The following PDE6C variants were observed in gnomAD, a reference collection of about 807,000 sequenced individuals.
PDE6C encodes cone cGMP-specific 3',5'-cyclic phosphodiesterase subunit alpha'.
PDE6C carries 75 observed loss-of-function variants against 113.1 expected under a neutral mutation model. The observed-to-expected ratio is 0.66, with a 90% CI of 0.55 to 0.80. PDE6C has a LOEUF of 0.80. Among genes scored for constraint, PDE6C ranks in the 30% least tolerant of loss-of-function variants. The probability of loss-of-function intolerance (pLI) is 0.00; values close to 1 mark genes in which losing one functional copy is unlikely to be tolerated. For synonymous variants in PDE6C, 375 were observed against 363.7 expected (o/e 1.03, Z -0.35); for missense variants, 912 against 1,038.6 (o/e 0.88, Z 1.67).
chr10:93,625,883 G>C (rs1342814435), intron 5 of PDE6C, among the ~76,000 whole-genome samples: 1 of 152,172 alleles, frequency 6.6e-6, no homozygotes, highest in Non-Finnish European at 1.5e-5. Flanking sequence ...GGGCTTGGTA[G>C]ACCAGTGGTT....
At chr10:93,621,844 A>G in intron 3 of PDE6C, 88 bp from the exon 4 acceptor site, 2 of 1,197,196 alleles carry the variant, frequency 1.7e-6, no homozygotes, top group Non-Finnish European at 2.5e-6. Context: ...ATTTTATTTG[A>G]TGCACCTCAT....
chr10:93,621,222 C>A (rs906233558), intron 3 of PDE6C, among the ~76,000 whole-genome samples: 6 of 152,120 alleles, frequency 3.9e-5, no homozygotes, highest in East Asian at 1.9e-4. Context: ...GTCTAGATCC[C>A]GAGTGGACTT....
At chr10:93,617,123 C>G (rs766635941) in intron 1 of PDE6C, among the ~76,000 whole-genome samples, 1 of 152,174 alleles carries the variant, frequency 6.6e-6, no homozygotes, top group Non-Finnish European at 1.5e-5. Flanking sequence ...TTTAGCAATA[C>G]TGACATCTGA....
At position 93,625,598 on chromosome 10, in the gene PDE6C, C is replaced by T; in HGVS notation, c.888C>T (p.Ile296=). ...KEKEFYDEWP[I]KLGEVEPYKG... is the part of the protein sequence containing the mutation. ...AGGAATTCTACGATGAATGGCCAAT[C>T]AAGCTTGGAGAAGTAGAGCCTTATA... Residue 296 remains isoleucine (I), a synonymous_variant, in exon 5 of 22, where the codon ATC becomes ATT. Transcript: ENST00000371447. The T allele has an allele frequency of 6.2e-7, 1 of 1,613,590 alleles. No individual in the cohort carries two copies. Among genetic ancestry groups the T allele is most frequent in the East Asian group, 2.2e-5 (1 of 44,874 alleles).
At chr10:93,646,363 G>A (rs1025726768) in intron 15 of PDE6C, among the ~76,000 whole-genome samples, 4 of 152,120 alleles carry the variant, frequency 2.6e-5, no homozygotes, top group South Asian at 4.1e-4. Context: ...AGGAAAGGAG[G>A]CTACATGGTC....
intron 16 of PDE6C, among the ~76,000 whole-genome samples, chr10:93,657,928 T>C (rs2058646411): frequency 6.6e-6 from 1 of 151,808 alleles, no homozygotes; most frequent in African/African-American, 2.4e-5. Context: ...CTCAGCACTT[T>C]GGGAGGCCAA....
At chr10:93,648,172 A>AT (rs888362064) in intron 15 of PDE6C, among the ~76,000 whole-genome samples, 1 of 152,070 alleles carries the variant, frequency 6.6e-6, no homozygotes, top group African/African-American at 2.4e-5. Context: ...TTCCATCTGA[A>AT]TTTTTTTTAA....
intron 10 of PDE6C, among the ~76,000 whole-genome samples, chr10:93,636,318 A>C (rs1024448510): frequency 3.3e-5 from 5 of 151,422 alleles, no homozygotes; most frequent in Admixed American, 6.6e-5. Context: ...CACAAAATGA[A>C]GGGAAAATAT....
intron 11 of PDE6C, among the ~76,000 whole-genome samples, chr10:93,637,683 T>A (rs1160310718): frequency 6.6e-6 from 1 of 152,228 alleles, no homozygotes; most frequent in East Asian, 1.9e-4. Context: ...TGTTAAAACT[T>A]TTCATCATTT....
Position 93,663,122 on chromosome 10 carries a change from C to T in PDE6C, c.2462C>T (p.Ala821Val), listed in dbSNP as rs1163350371. ...AAATCACTAGCTGATGAGTATGATG[C>T]AAAGATGAAGGTCATTGAAGAGGAG... ...EWKSLADEYD[A>V]KMKVIEEEAK... is the part of the protein sequence containing the mutation. Residue 821 changes from alanine to valine, a missense_variant, in exon 21 of 22, where the codon GCA becomes GTA. By Grantham distance (64) the Ala-to-Val change is moderately conservative (BLOSUM62 0). Coordinates refer to ENST00000371447, the MANE Select transcript of PDE6C (RefSeq NM_006204.4). The T allele has an allele frequency of 6.2e-7, 1 of 1,613,280 alleles. No individual in the cohort carries two copies. The highest frequency in any genetic ancestry group is 1.3e-5 in the African/African-American group (1 of 74,796).
intron 8 of PDE6C, among the ~76,000 whole-genome samples, chr10:93,634,013 A>G (rs1355411737): frequency 1.3e-5 from 2 of 152,044 alleles, no homozygotes; most frequent in Non-Finnish European, 2.9e-5. Flanking sequence ...ATCTAACACC[A>G]AAAGATTACT....
At chr10:93,616,542 G>A (rs2058420420) in intron 1 of PDE6C, among the ~76,000 whole-genome samples, 1 of 152,130 alleles carries the variant, frequency 6.6e-6, no homozygotes, top group South Asian at 2.1e-4. Flanking sequence ...ATAAATGATA[G>A]CTGTGATAAT....
rs376120655 is a variant in PDE6C, at chr10:93,641,054, G to C, written c.1847+25G>C. 3.1e-4 allele frequency: 403 copies of C among 1,321,144 alleles called. 3 individuals carry two copies. Among genetic ancestry groups the C allele is most frequent in the Admixed American group, 9.1e-4 (54 of 59,640 alleles). 81.8% of individuals were successfully genotyped at this position (1,321,144 alleles called of 1,614,324 possible). A position where few individuals can be genotyped will look rare whatever the true frequency, so the allele number is the denominator to read the frequency against. ...AGTAAGTGAACACATGTCCAATGTT[G>C]ACACGTATTGGTGGACATTGGAAAG... On this transcript the variant is annotated intron_variant, in intron 14 of 21. Transcript: ENST00000371447.
chr10:93,621,881 C>T, intron 3 of PDE6C, 51 bp from the exon 4 acceptor site: 2 of 1,535,794 alleles, frequency 1.3e-6, no homozygotes, highest in Non-Finnish European at 1.8e-6. Context: ...TGCTCTATCT[C>T]TCCATAGCAT....
chr10:93,621,016 C>A, intron 3 of PDE6C, 36 bp downstream of exon 3: 3 of 1,558,236 alleles, frequency 1.9e-6, no homozygotes, highest in Non-Finnish European at 2.7e-6. Flanking sequence ...TCCATGCTGA[C>A]CTATTCTGAC....
rs1197252134 is a variant in PDE6C at position 93,625,604 on chromosome 10, T to G, written c.894T>G (p.Leu298=). ...KEFYDEWPIK[L]GEVEPYKGPK... ...TCTACGATGAATGGCCAATCAAGCT[T>G]GGAGAAGTAGAGCCTTATAAAGGTC... The change falls in exon 5 of 22, where the codon CTT becomes CTG. Residue 298 remains leucine (L), a synonymous_variant. Coordinates refer to ENST00000371447, the MANE Select transcript of PDE6C (RefSeq NM_006204.4). 1 of 1,613,760 alleles carries G rather than the reference T, an allele frequency of 6.2e-7. No individual in the cohort carries two copies. Among genetic ancestry groups the G allele is most frequent in the Non-Finnish European group, 8.5e-7 (1 of 1,179,648 alleles).
intron 8 of PDE6C, among the ~76,000 whole-genome samples, chr10:93,633,054 A>G (rs1811195011): frequency 6.6e-6 from 1 of 152,182 alleles, no homozygotes; most frequent in South Asian, 2.1e-4. Flanking sequence ...CTTCAAGAAC[A>G]AATAATGTGG....
At chr10:93,663,305 T>C in intron 21 of PDE6C, 127 bp downstream of exon 21, 2 of 921,248 alleles carry the variant, frequency 2.2e-6, no homozygotes, top group South Asian at 2.8e-5. Context: ...AGACTGATCA[T>C]TTTAACAGGC....
At chr10:93,664,663 T>C (rs1010654623) in intron 21 of PDE6C, among the ~76,000 whole-genome samples, 1 of 152,234 alleles carries the variant, frequency 6.6e-6, no homozygotes, top group African/African-American at 2.4e-5. Context: ...ACATTGGATA[T>C]GGATCTGTAT....
Sources: gnomAD v4.1 joint callset for allele counts (sites outside exome capture counted in the v4.1 genomes callset) on GRCh38, gnomAD v4.1.1 for gene constraint, MANE v1.5 for transcripts, NCBI Gene and HGNC (gene_info 2026-07-23, HGNC 2026-07-21) for gene names.